Variants in B3GALT1 observed in about 807,000 individuals in gnomAD.
B3GALT1 encodes the protein beta-1,3-galactosyltransferase 1.
In B3GALT1, 10 loss-of-function variants were observed where a neutral mutation model predicts 23.2. The ratio of observed to expected loss-of-function variants is 0.43; its 90% CI spans 0.27 to 0.73. The LOEUF is 0.73. Ranked by LOEUF, B3GALT1 falls within the 30% of genes least tolerant of loss-of-function variation. The pLI is 0.21. For missense variants in B3GALT1, 299 were observed against 405.4 expected (o/e 0.74, Z 2.25); for synonymous variants, 156 against 141.5 (o/e 1.10, Z -0.73).
chr2:167,455,374 C>T (rs1470453577), intron 1 of B3GALT1, among the ~76,000 whole-genome samples: 14 of 152,144 alleles, frequency 9.2e-5, no homozygotes, highest in Admixed American at 2.0e-4. Context: ...CCATTCCTTA[C>T]TTCATTAAAT....
intron 4 of B3GALT1, among the ~76,000 whole-genome samples, chr2:167,834,320 C>T (rs1393435954): frequency 6.6e-6 from 1 of 152,084 alleles, no homozygotes; most frequent in Non-Finnish European, 1.5e-5. Context: ...CAAATGGAGC[C>T]TAGGTTTTTC....
At chr2:167,785,097 A>T (rs1688319556) in intron 3 of B3GALT1, among the ~76,000 whole-genome samples, 1 of 152,250 alleles carries the variant, frequency 6.6e-6, no homozygotes. Flanking sequence ...AACGATATAT[A>T]ACTGGCCTTA....
intron 3 of B3GALT1, among the ~76,000 whole-genome samples, chr2:167,693,914 T>C (rs952054677): frequency 2.0e-5 from 3 of 152,146 alleles, no homozygotes; most frequent in African/African-American, 7.2e-5. Context: ...TTCTACTAGT[T>C]AGCTGGTCTG....
At chr2:167,455,936 T>A (rs1383733021) in intron 1 of B3GALT1, among the ~76,000 whole-genome samples, 1 of 152,148 alleles carries the variant, frequency 6.6e-6, no homozygotes, top group Non-Finnish European at 1.5e-5. Context: ...ACATATATAA[T>A]CACCTAATTT....
intron 3 of B3GALT1, among the ~76,000 whole-genome samples, chr2:167,793,398 C>G (rs985901891): frequency 6.6e-6 from 1 of 152,176 alleles, no homozygotes; most frequent in Admixed American, 6.5e-5. Flanking sequence ...ATCACTGTGA[C>G]TGCTGGGGCT....
chr2:167,856,339 C>T (rs1689999241), intron 4 of B3GALT1, among the ~76,000 whole-genome samples: 1 of 152,134 alleles, frequency 6.6e-6, no homozygotes, highest in South Asian at 2.1e-4. Flanking sequence ...AGAGAGAAAG[C>T]AGTGCTGAAA....
intron 2 of B3GALT1, among the ~76,000 whole-genome samples, chr2:167,568,737 G>A (rs1684225880): frequency 2.0e-5 from 3 of 151,762 alleles, no homozygotes; most frequent in Admixed American, 1.3e-4. Flanking sequence ...ATGAAGTCCA[G>A]CTTATCAGTA....
chr2:167,560,208 C>T (rs1339373896), intron 2 of B3GALT1, among the ~76,000 whole-genome samples: 2 of 152,074 alleles, frequency 1.3e-5, no homozygotes, highest in Admixed American at 6.5e-5. Context: ...CCAAACTAAG[C>T]TTCATAAGTG....
intron 2 of B3GALT1, among the ~76,000 whole-genome samples, chr2:167,612,774 C>G (rs2105433189): frequency 6.6e-6 from 1 of 151,950 alleles, no homozygotes; most frequent in South Asian, 2.1e-4. Context: ...CAGAATCTAA[C>G]CATGGATCAT....
At chr2:167,500,934 TATCTGGG>T (rs1251802595) in intron 2 of B3GALT1, among the ~76,000 whole-genome samples, 1 of 152,194 alleles carries the variant, frequency 6.6e-6, no homozygotes, top group African/African-American at 2.4e-5. Context: ...TCTACCATAC[TATCTGGG>T]ATAGTGAGAC....
rs956982622 is a variant in B3GALT1 at position 167,470,987 on chromosome 2, T to C, written c.-510-19190T>C. ...GTTTTGGCAGCCTAATATTTTGTTA[T>C]GCTTTATACAGGTAGGAAGGAGACT... On this transcript the variant is annotated intron_variant, in intron 1 of 4. Coordinates refer to ENST00000392690, the MANE Select transcript of B3GALT1 (RefSeq NM_020981.4). Among the ~76,000 whole-genome samples the C allele has an allele frequency of 2.0e-5, 3 of 152,194 alleles. No individual in the cohort carries two copies. The East Asian group carries it at 5.8e-4, about 29-fold the overall frequency.
At chr2:167,439,291 G>A (rs1698839480) in intron 1 of B3GALT1, among the ~76,000 whole-genome samples, 1 of 152,072 alleles carries the variant, frequency 6.6e-6, no homozygotes, top group African/African-American at 2.4e-5. Context: ...GCTTGTAGTT[G>A]TTATATCATC....
intron 3 of B3GALT1, among the ~76,000 whole-genome samples, chr2:167,744,867 C>T (rs1326490834): frequency 5.3e-5 from 8 of 152,144 alleles, no homozygotes; most frequent in African/African-American, 1.7e-4. Context: ...GGATTACAGG[C>T]GTGAACCACC....
At chr2:167,638,324 A>G (rs527809735) in intron 2 of B3GALT1, among the ~76,000 whole-genome samples, 3 of 152,246 alleles carry the variant, frequency 2.0e-5, no homozygotes, top group Non-Finnish European at 4.4e-5. Flanking sequence ...CATGGCAGTC[A>G]TATTTCATAA....
rs66780629 is a variant in B3GALT1 at position 167,361,212 on chromosome 2, GTTT to G, written c.-511+67897_-511+67899del. Among the ~76,000 whole-genome samples the G allele has an allele frequency of 8.5e-3, 887 of 104,172 alleles. 6 individuals carry two copies. Among genetic ancestry groups the G allele is most frequent in the East Asian group, 0.024 (87 of 3,614 alleles). The allele number at this position is 104,172 out of a possible 152,430, so 68.3% of individuals were successfully genotyped here. A position where few individuals can be genotyped will look rare whatever the true frequency, so the allele number is the denominator to read the frequency against. ...TTTGATACACTGATTTCCCCCACTA[GTTT>G]TTTTTTTTTTTTTTTTTTGCAGTGG... On this transcript the variant is annotated intron_variant, in intron 1 of 4. Coordinates refer to ENST00000392690, the MANE Select transcript of B3GALT1 (RefSeq NM_020981.4).
At chr2:167,826,432 G>C (rs1444206174) in intron 4 of B3GALT1, among the ~76,000 whole-genome samples, 1 of 152,222 alleles carries the variant, frequency 6.6e-6, no homozygotes. Flanking sequence ...ACAGGAGATG[G>C]TGGGCTAGAC....
intron 3 of B3GALT1, among the ~76,000 whole-genome samples, chr2:167,708,706 G>C (rs1233058597): frequency 6.6e-6 from 1 of 152,086 alleles, no homozygotes; most frequent in Non-Finnish European, 1.5e-5. Flanking sequence ...ACTTCATGCA[G>C]ATTGAACCAG....
intron 1 of B3GALT1, among the ~76,000 whole-genome samples, chr2:167,302,553 T>C (rs1696467883): frequency 6.6e-6 from 1 of 152,178 alleles, no homozygotes; most frequent in Non-Finnish European, 1.5e-5. Context: ...TTTTAGACTT[T>C]GCTTTTCACA....
Position 167,870,862 on chromosome 2 carries a change from T to C in B3GALT1, c.*842T>C, listed in dbSNP as rs1236122933. 6.0e-6 allele frequency: 1 copy of C among 167,062 alleles called. No individual in the cohort carries two copies. Among genetic ancestry groups the C allele is most frequent in the Non-Finnish European group, 1.5e-5 (1 of 68,118 alleles). The allele number at this position is 167,062 out of a possible 1,614,324, so 10.3% of individuals were successfully genotyped here. On this transcript the variant is annotated 3_prime_UTR_variant, in exon 5 of 5. Transcript: ENST00000392690. ...AGTTTTTGGATCTGGCAGGCATATGTCTCTATGTAGAAAATAAGTTGGTTG... is the reference window on the plus strand; with the variant it reads ...AGTTTTTGGATCTGGCAGGCATATGCCTCTATGTAGAAAATAAGTTGGTTG...
Sources: gnomAD v4.1 joint callset for allele counts (sites outside exome capture counted in the v4.1 genomes callset) on GRCh38, gnomAD v4.1.1 for gene constraint, MANE v1.5 for transcripts, NCBI Gene and HGNC (gene_info 2026-07-23, HGNC 2026-07-21) for gene names.